The following PGLS variants were observed in gnomAD, a reference collection of about 807,000 sequenced individuals.
The protein encoded by PGLS is epididymis secretory protein Li 304.
In PGLS, 21 loss-of-function variants were observed where a neutral mutation model predicts 23.2. The observed-to-expected ratio is 0.91, with a 90% confidence interval of 0.64 to 1.31. The LOEUF (loss-of-function observed/expected upper bound fraction) is 1.31, where lower values mean the gene tolerates loss of function less well. Among genes scored for constraint, PGLS ranks in the 50% most tolerant of loss-of-function variants. The probability of loss-of-function intolerance (pLI) is 0.00; values close to 1 mark genes in which losing one functional copy is unlikely to be tolerated. For synonymous variants in PGLS, 179 were observed against 165.4 expected (o/e 1.08, Z -0.63); for missense variants, 410 against 354.0 (o/e 1.16, Z -1.27).
intron 1 of PGLS, among the ~76,000 whole-genome samples, chr19:17,515,154 C>T (rs1472129636): frequency 6.6e-6 from 1 of 152,138 alleles, no homozygotes; most frequent in African/African-American, 2.4e-5. Context: ...TAGATTAACA[C>T]AGGGACCTTG....
chr19:17,514,811 C>T (rs2075525444), intron 1 of PGLS, among the ~76,000 whole-genome samples: 1 of 152,182 alleles, frequency 6.6e-6, no homozygotes, highest in African/African-American at 2.4e-5. Flanking sequence ...CACCACCACG[C>T]CCAGCTAATT....
chr19:17,516,324 C>G, intron 2 of PGLS, 44 bp downstream of exon 2: 1 of 1,578,544 alleles, frequency 6.3e-7, no homozygotes, highest in Non-Finnish European at 8.6e-7. Context: ...ATCCACGAAG[C>G]GGCCACACCC....
intron 4 of PGLS, among the ~76,000 whole-genome samples, chr19:17,519,493 G>T (rs1388202416): frequency 6.6e-6 from 1 of 151,614 alleles, no homozygotes; most frequent in Non-Finnish European, 1.5e-5. Flanking sequence ...TCCACCTCCC[G>T]GGTTCAAGTG....
In PGLS at chr19:17,517,537, A is replaced by G. The variant is rs1165780630; in HGVS notation, c.498+148A>G. The G allele has an allele frequency of 6.3e-6, 6 of 947,114 alleles. No individual in the cohort carries two copies. In the East Asian group the frequency reaches 9.9e-5, roughly 16 times the overall value. 58.7% of individuals were successfully genotyped at this position (947,114 alleles called of 1,614,324 possible). ...CCAACATACCTGCCTGCTGGGCTCA[A>G]TCCTTTCAGGTCTCAGTTGAGCCCC... On this transcript the variant is annotated intron_variant, in intron 3 of 4. Transcript: ENST00000252603.
At chr19:17,520,180 C>T (rs1166407272) in intron 4 of PGLS, among the ~76,000 whole-genome samples, 1 of 151,846 alleles carries the variant, frequency 6.6e-6, no homozygotes, top group African/African-American at 2.4e-5. Flanking sequence ...TTACAGTGGG[C>T]GGGGCATGGT....
intron 2 of PGLS, among the ~76,000 whole-genome samples, chr19:17,516,813 T>C (rs1281800121): frequency 1.3e-5 from 2 of 151,512 alleles, no homozygotes; most frequent in Non-Finnish European, 2.9e-5. Flanking sequence ...GGTCTCGATC[T>C]CCTGACCTCG....
Position 17,516,207 on chromosome 19 carries a change from G to A in PGLS, c.323G>A (p.Ser108Asn), listed in dbSNP as rs761843647. Residue 108 changes from serine (S) to asparagine (N), a missense_variant, in exon 2 of 5, where the codon AGC becomes AAC. Transcript: ENST00000252603. Reference sequence around the variant, plus strand: ...CTCTCCAGACTGCCGATCCCAGAAAGCCAGGTGATCACCATTAACCCCGAG... The same window carrying A: ...CTCTCCAGACTGCCGATCCCAGAAAACCAGGTGATCACCATTAACCCCGAG... ...HLLSRLPIPESQVITINPELP... is the reference protein window; with the variant it reads ...HLLSRLPIPENQVITINPELP... 8 of 1,613,962 alleles carry A rather than the reference G, an allele frequency of 5.0e-6. No homozygotes were observed. The highest frequency in any genetic ancestry group is 5.9e-6 in the Non-Finnish European group (7 of 1,179,954).
At chr19:17,519,894 G>C (rs751154488) in intron 4 of PGLS, among the ~76,000 whole-genome samples, 6 of 152,116 alleles carry the variant, frequency 3.9e-5, no homozygotes, top group Non-Finnish European at 8.8e-5. Flanking sequence ...CAGGCACAGT[G>C]GCTCATGCCT....
intron 1 of PGLS, among the ~76,000 whole-genome samples, chr19:17,513,544 C>T (rs533946347): frequency 7.2e-6 from 1 of 139,202 alleles, no homozygotes; most frequent in South Asian, 2.3e-4. Context: ...TTTGGCCGGG[C>T]GTGGTGGCTC....
chr19:17,521,181 T>C lies in PGLS; in HGVS notation c.*100T>C. The C allele has an allele frequency of 7.9e-7, 1 of 1,271,882 alleles. No homozygotes were observed. Among genetic ancestry groups the C allele is most frequent in the Admixed American group, 2.9e-5 (1 of 33,960 alleles). 78.8% of individuals were successfully genotyped at this position (1,271,882 alleles called of 1,614,324 possible). A position where few individuals can be genotyped will look rare whatever the true frequency, so the allele number is the denominator to read the frequency against. On this transcript the variant is annotated 3_prime_UTR_variant, in exon 5 of 5. Coordinates refer to ENST00000252603, the MANE Select transcript of PGLS (RefSeq NM_012088.3). ...CGGGCTCTCCTTTCAAAAAGCCACG[T>C]CGTGCTGCTGCTGGAAGCCAACAGC...
intron 2 of PGLS, among the ~76,000 whole-genome samples, chr19:17,516,874 C>T (rs933901364): frequency 1.3e-5 from 2 of 149,774 alleles, no homozygotes. Flanking sequence ...GCGTGAGCCA[C>T]CATGGGCCTT....
intron 1 of PGLS, 85 bp downstream of exon 1, chr19:17,512,045 C>T (rs1344016122): frequency 2.3e-5 from 32 of 1,387,120 alleles, no homozygotes; most frequent in Non-Finnish European, 2.8e-5. Flanking sequence ...CGCCGGGGGC[C>T]ATGCCGAAAG....
At chr19:17,517,238 C>A in intron 2 of PGLS, 50 bp from the exon 3 acceptor site, 3 of 1,180,618 alleles carry the variant, frequency 2.5e-6, no homozygotes, top group Non-Finnish European at 3.8e-6. Flanking sequence ...TGAGTCTCCC[C>A]TGCCCCTGCC....
intron 1 of PGLS, among the ~76,000 whole-genome samples, chr19:17,514,131 C>T (rs1232730265): frequency 6.6e-6 from 1 of 152,176 alleles, no homozygotes; most frequent in African/African-American, 2.4e-5. Context: ...ATTCTCTCAC[C>T]GTTCTGGAGG....
chr19:17,515,090 T>C (rs887232405), intron 1 of PGLS, among the ~76,000 whole-genome samples: 1 of 152,124 alleles, frequency 6.6e-6, no homozygotes, highest in African/African-American at 2.4e-5. Flanking sequence ...TGCCTGGCCA[T>C]TTTCTGTTGT....
chr19:17,512,067 C>T, intron 1 of PGLS, 107 bp downstream of exon 1: 1 of 1,179,846 alleles, frequency 8.5e-7, no homozygotes, highest in Non-Finnish European at 1.1e-6. Flanking sequence ...GCCGCGCCCA[C>T]TGTCTGCACC....
intron 2 of PGLS, 74 bp from the exon 3 acceptor site, chr19:17,517,214 G>A: frequency 1.1e-6 from 1 of 905,586 alleles, no homozygotes; most frequent in Non-Finnish European, 1.8e-6. Context: ...TCTGACAACT[G>A]TTTCTGTGTC....
chr19:17,512,094 C>G, intron 1 of PGLS, 134 bp downstream of exon 1: 1 of 955,364 alleles, frequency 1.0e-6, no homozygotes, highest in Non-Finnish European at 1.5e-6. Context: ...ACGGGGGCCA[C>G]TGGGTATCAT....
intron 2 of PGLS, 103 bp from the exon 3 acceptor site, chr19:17,517,185 A>G (rs1367631223): frequency 2.7e-6 from 2 of 750,848 alleles, no homozygotes; most frequent in Non-Finnish European, 4.7e-6. Context: ...GCCCAGCCAC[A>G]GCTACTTGTA....
Sources: allele counts gnomAD v4.1 joint callset (sites outside exome capture counted in the v4.1 genomes callset), GRCh38; gene constraint gnomAD v4.1.1; transcripts MANE v1.5; gene names NCBI Gene and HGNC (gene_info 2026-07-23, HGNC 2026-07-21).